Variants in IL1RAP observed in about 807,000 individuals in gnomAD.
The protein encoded by IL1RAP is interleukin 1 receptor accessory protein, also known as interleukin-1 receptor accessory protein.
A neutral mutation model predicts 60.7 loss-of-function variants in IL1RAP; 35 were observed. That is an observed-to-expected ratio of 0.58 (90% CI 0.44 to 0.76). The LOEUF (loss-of-function observed/expected upper bound fraction) is 0.76. Ranked by LOEUF, IL1RAP falls within the 30% of genes least tolerant of loss-of-function variation. The pLI is 0.00. For missense variants in IL1RAP, 572 were observed against 693.9 expected (o/e 0.82, Z 1.97); for synonymous variants, 268 against 250.9 (o/e 1.07, Z -0.64).
chr3:190,567,174 G>C (rs1201311636), intron 3 of IL1RAP, among the ~76,000 whole-genome samples: 2 of 152,124 alleles, frequency 1.3e-5, no homozygotes, highest in South Asian at 2.1e-4. Context: ...TCTGACTTCC[G>C]ATCATGATTT....
downstream of IL1RAP, chr3:190,656,177 C>T (rs1734613435): frequency 2.0e-6 from 3 of 1,537,146 alleles, no homozygotes; most frequent in East Asian, 4.9e-5. Context: ...TTGGCTCTTC[C>T]CCTGAGAAGT....
In IL1RAP at chr3:190,649,661, A is replaced by G. The variant is rs2108867652; in HGVS notation, c.*956A>G. 2.0e-6 allele frequency: 2 copies of G among 985,538 alleles called. No individual in the cohort carries two copies. Among genetic ancestry groups the G allele is most frequent in the East Asian group, 1.1e-4 (1 of 8,796 alleles). The allele number at this position is 985,538 out of a possible 1,614,324, so 61.0% of individuals were successfully genotyped here. A position where few individuals can be genotyped will look rare whatever the true frequency, so the allele number is the denominator to read the frequency against. On this transcript the variant is annotated 3_prime_UTR_variant, in exon 12 of 12. Coordinates refer to ENST00000447382, the MANE Select transcript of IL1RAP (RefSeq NM_002182.4). Reference sequence around the variant, plus strand: ...AATACTGGGAAAGTGATTTTTTCTCACTCGTTTTTGTTGCTCCATTGTAAA... The same window carrying G: ...AATACTGGGAAAGTGATTTTTTCTCGCTCGTTTTTGTTGCTCCATTGTAAA...
At chr3:190,549,656 A>G (rs2108585573) in intron 1 of IL1RAP, among the ~76,000 whole-genome samples, 1 of 152,306 alleles carries the variant, frequency 6.6e-6, no homozygotes, top group Non-Finnish European at 1.5e-5. Flanking sequence ...CTGATTGGTA[A>G]AACAACTTTT....
chr3:190,577,612 C>G (rs1047554751), intron 3 of IL1RAP, among the ~76,000 whole-genome samples: 1 of 152,176 alleles, frequency 6.6e-6, no homozygotes. Flanking sequence ...CTCACTGCAG[C>G]CTCAAATTCC....
At chr3:190,522,107 G>A (rs1294090950) in intron 1 of IL1RAP, among the ~76,000 whole-genome samples, 1 of 152,114 alleles carries the variant, frequency 6.6e-6, no homozygotes, top group Non-Finnish European at 1.5e-5. Flanking sequence ...TTATACTTCA[G>A]TTTCCCAATT....
intron 5 of IL1RAP, among the ~76,000 whole-genome samples, chr3:190,612,234 A>G (rs1274349328): frequency 6.6e-6 from 1 of 152,140 alleles, no homozygotes. Flanking sequence ...CTCTGATTAT[A>G]ATTTTTCATG....
Position 190,650,348 on chromosome 3 carries a change from T to C in IL1RAP, c.*1643T>C. On this transcript the variant is annotated 3_prime_UTR_variant, in exon 12 of 12. Transcript: ENST00000447382. Reference sequence around the variant, plus strand: ...TCTGCTGTGCACAGAGCTTCCATGGTCACTGCTAAGCAGTAGCCAGCCATC... The same window carrying C: ...TCTGCTGTGCACAGAGCTTCCATGGCCACTGCTAAGCAGTAGCCAGCCATC... 1.0e-6 allele frequency: 1 copy of C among 985,292 alleles called. No individual in the cohort carries two copies. Among genetic ancestry groups the C allele is most frequent in the Non-Finnish European group, 1.2e-6 (1 of 829,806 alleles). The allele number at this position is 985,292 out of a possible 1,614,324, so 61.0% of individuals were successfully genotyped here.
chr3:190,526,795 T>C (rs1403841079), intron 1 of IL1RAP, among the ~76,000 whole-genome samples: 1 of 152,266 alleles, frequency 6.6e-6, no homozygotes, highest in Non-Finnish European at 1.5e-5. Flanking sequence ...GGCAGTTTTT[T>C]AGTTGTGCTT....
At chr3:190,620,207 G>A in intron 5 of IL1RAP, 68 bp from the exon 6 acceptor site, 2 of 800,078 alleles carry the variant, frequency 2.5e-6, no homozygotes, top group East Asian at 5.3e-5. Context: ...ATGTGAGTGT[G>A]CGTGTGTTTG....
intron 1 of IL1RAP, among the ~76,000 whole-genome samples, chr3:190,530,056 C>T (rs1378838314): frequency 6.6e-6 from 1 of 152,054 alleles, no homozygotes. Flanking sequence ...TAGGAAACAT[C>T]ATTCCAGTTT....
chr3:190,516,451 A>G (rs149837415), intron 1 of IL1RAP, among the ~76,000 whole-genome samples: 129 of 152,376 alleles, frequency 8.5e-4, no homozygotes, highest in African/African-American at 3.0e-3. Flanking sequence ...AGGTTGGTCA[A>G]TTATACCCAT....
intron 8 of IL1RAP, among the ~76,000 whole-genome samples, chr3:190,628,520 G>C (rs538429062): frequency 2.3e-4 from 35 of 152,184 alleles, no homozygotes; most frequent in Non-Finnish European, 3.5e-4. Context: ...ATGGCAGTCA[G>C]CTGTAGCAGA....
intron 3 of IL1RAP, among the ~76,000 whole-genome samples, chr3:190,581,666 C>A (rs764815035): frequency 6.6e-6 from 1 of 152,176 alleles, no homozygotes; most frequent in Non-Finnish European, 1.5e-5. Flanking sequence ...CTGCCACCTT[C>A]CCTGGTTTTG....
intron 7 of IL1RAP, among the ~76,000 whole-genome samples, chr3:190,624,159 A>G (rs1409943257): frequency 6.6e-6 from 1 of 152,272 alleles, no homozygotes; most frequent in East Asian, 1.9e-4. Context: ...CAATCCAGGA[A>G]TATGAGTGCT....
At chr3:190,555,057 TTTG>T (rs1261521215) in intron 1 of IL1RAP, among the ~76,000 whole-genome samples, 1 of 152,122 alleles carries the variant, frequency 6.6e-6, no homozygotes, top group African/African-American at 2.4e-5. Flanking sequence ...AGACCATCCT[TTTG>T]AATTAGAGAG....
rs776887109 is a variant in IL1RAP, at chr3:190,627,339, T to C, written c.792T>C (p.Ile264=). 6.2e-6 allele frequency: 10 copies of C among 1,610,950 alleles called. No individual in the cohort carries two copies. The Admixed American group carries it at 1.2e-4, about 19-fold the overall frequency. ...YEKEPGEELL[I]PCTVYFSFLM... The stretch of plus-strand genomic sequence containing the variant: ...TTTTTTCAGGAGAGGAGCTACTCAT[T>C]CCCTGTACGGTCTATTTTAGTTTTC... The change falls in exon 8 of 12, where the codon ATT becomes ATC. Residue 264 remains isoleucine (I), a synonymous_variant. Coordinates refer to ENST00000447382, the MANE Select transcript of IL1RAP (RefSeq NM_002182.4).
intron 1 of IL1RAP, among the ~76,000 whole-genome samples, chr3:190,528,168 T>C (rs1022685383): frequency 2.0e-5 from 3 of 152,204 alleles, no homozygotes; most frequent in African/African-American, 7.2e-5. Context: ...CATTTACTTG[T>C]ATACTAAATG....
chr3:190,580,669 T>TG (rs1727917640), intron 3 of IL1RAP, among the ~76,000 whole-genome samples: 1 of 152,122 alleles, frequency 6.6e-6, no homozygotes, highest in Non-Finnish European at 1.5e-5. Context: ...GAGGTGTTAA[T>TG]CAAAGGGTGC....
At chr3:190,544,227 A>G (rs972219071) in intron 1 of IL1RAP, among the ~76,000 whole-genome samples, 1 of 152,180 alleles carries the variant, frequency 6.6e-6, no homozygotes, top group Non-Finnish European at 1.5e-5. Flanking sequence ...GGAAAAATAA[A>G]GGCTCCCCTC....
Sources: allele counts gnomAD v4.1 joint callset (sites outside exome capture counted in the v4.1 genomes callset), GRCh38; gene constraint gnomAD v4.1.1; transcripts MANE v1.5; gene names NCBI Gene and HGNC (gene_info 2026-07-23, HGNC 2026-07-21).